Variants in DGKH observed in about 807,000 individuals in gnomAD.
DGKH encodes the protein DAG kinase eta.
In DGKH, 90 loss-of-function variants were observed where a neutral mutation model predicts 159.3. That is an observed-to-expected ratio of 0.57 (90% CI 0.48 to 0.67). DGKH has a LOEUF of 0.67. Among genes scored for constraint, DGKH ranks in the 30% least tolerant of loss-of-function variants. DGKH has a pLI of 0.00. For synonymous variants in DGKH, 536 were observed against 553.8 expected (o/e 0.97, Z 0.45); for missense variants, 1,181 against 1,506.1 (o/e 0.78, Z 3.57).
At chr13:42,174,468 C>T (rs1461693992) in intron 12 of DGKH, among the ~76,000 whole-genome samples, 1 of 152,158 alleles carries the variant, frequency 6.6e-6, no homozygotes, top group African/African-American at 2.4e-5. Context: ...ACTATCTCTT[C>T]TCCTGCCCAG....
chr13:42,165,941 C>A (rs560390281), intron 8 of DGKH, among the ~76,000 whole-genome samples: 23 of 152,134 alleles, frequency 1.5e-4, no homozygotes, highest in Non-Finnish European at 2.5e-4. Context: ...CTAAGCAAAC[C>A]GTATTGCAAA....
At chr13:42,255,511 T>A (rs1410056691) in intron 30 of DGKH, among the ~76,000 whole-genome samples, 2 of 152,142 alleles carry the variant, frequency 1.3e-5, no homozygotes, top group African/African-American at 4.8e-5. Flanking sequence ...GCTTGTAAAA[T>A]GTCATTACAT....
At chr13:42,043,922 CCTCCTGGGCTCAAGCAATT>C (rs1880656581), upstream of DGKH, 1 of 152,186 alleles carries the variant, frequency 6.6e-6, no homozygotes, top group African/African-American at 2.4e-5. Context: ...GCAACCTTTG[CCTCCTGGGCTCAAGCAATT>C]CTCCTACCTC....
At chr13:42,065,788 T>C (rs748266543) in intron 1 of DGKH, among the ~76,000 whole-genome samples, 2 of 152,204 alleles carry the variant, frequency 1.3e-5, no homozygotes, top group Non-Finnish European at 2.9e-5. Flanking sequence ...ATGTGGATTA[T>C]TGTCATCATT....
chr13:42,179,835 T>G (rs547037413), intron 13 of DGKH, among the ~76,000 whole-genome samples: 66 of 151,978 alleles, frequency 4.3e-4, no homozygotes, highest in African/African-American at 1.4e-3. Context: ...CCAAAAATGT[T>G]GTACTACAAA....
intron 13 of DGKH, among the ~76,000 whole-genome samples, chr13:42,185,667 ACTTTCAGTAAAATGC>A (rs1956900818): frequency 6.6e-6 from 1 of 152,142 alleles, no homozygotes; most frequent in Non-Finnish European, 1.5e-5. Flanking sequence ...TTTTACAGAA[ACTTTCAGTAAAATGC>A]CTAGAAGAGA....
At chr13:42,210,227 G>C (rs1251594778) in intron 23 of DGKH, among the ~76,000 whole-genome samples, 1 of 151,798 alleles carries the variant, frequency 6.6e-6, no homozygotes, top group Non-Finnish European at 1.5e-5. Flanking sequence ...CTGGAGTACA[G>C]TGGTGTGATC....
chr13:42,229,279 A>AGATAAGTAAGCACCACT lies in DGKH; in HGVS notation c.*94_*110dup. 1 of 1,148,602 alleles carries AGATAAGTAAGCACCACT rather than the reference A, an allele frequency of 8.7e-7. No individual in the cohort carries two copies. The highest frequency in any genetic ancestry group is 1.2e-6 in the Non-Finnish European group (1 of 801,022). 71.2% of individuals were successfully genotyped at this position (1,148,602 alleles called of 1,614,324 possible). ...TGGCTGTTCTTGTAGTTTTCTGCAT[A>AGATAAGTAAGCACCACT]GATAAGTAAGCACCACTGAAGCACC... On this transcript the variant is annotated 3_prime_UTR_variant, in exon 30 of 30. Transcript: ENST00000337343.
At chr13:42,189,947 C>A (rs1287933918) in intron 15 of DGKH, among the ~76,000 whole-genome samples, 1 of 152,064 alleles carries the variant, frequency 6.6e-6, no homozygotes, top group African/African-American at 2.4e-5. Context: ...GGATTACAGG[C>A]GTGAACCACT....
chr13:42,061,490 A>G (rs1487100854), intron 1 of DGKH, among the ~76,000 whole-genome samples: 1 of 152,132 alleles, frequency 6.6e-6, no homozygotes, highest in Non-Finnish European at 1.5e-5. Context: ...CTTAACTCCT[A>G]TATCATTATG....
Position 42,233,831 on chromosome 13 carries a change from T to C in DGKH, c.*4643T>C, listed in dbSNP as rs1203311070. 6.6e-6 allele frequency: 1 copy of C among 152,216 alleles called. No individual in the cohort carries two copies. The highest frequency in any genetic ancestry group is 1.9e-4 in the East Asian group (1 of 5,206). The allele number at this position is 152,216 out of a possible 1,614,324, so 9.4% of individuals were successfully genotyped here. On this transcript the variant is annotated 3_prime_UTR_variant, in exon 30 of 30. Transcript: ENST00000337343. ...TACTAAGTTAAAACCATGTTTAGTC[T>C]CCTACAACTTGTACATTTTCATTTT...
At chr13:42,042,456 C>A (rs907913182) in intron 1 of DGKH, among the ~76,000 whole-genome samples, 5 of 152,284 alleles carry the variant, frequency 3.3e-5, no homozygotes, top group African/African-American at 9.6e-5. Flanking sequence ...AGTTTCCAGT[C>A]TTAGCACTGG....
intron 3 of DGKH, among the ~76,000 whole-genome samples, chr13:42,134,769 C>T (rs1442523782): frequency 6.6e-6 from 1 of 151,660 alleles, no homozygotes; most frequent in Non-Finnish European, 1.5e-5. Context: ...TTGGGAGGCC[C>T]AGGCAGGTGG....
rs73475051 is a variant in DGKH at position 42,166,023 on chromosome 13, T to C, written c.959-492T>C. ...GAGCAACTGTGGATTTTGATATTCA[T>C]AGGGTTCCTGCAGCCAATTCCCCCA... On this transcript the variant is annotated intron_variant, in intron 8 of 29. Transcript: ENST00000337343. 5.4e-3 allele frequency among the ~76,000 whole-genome samples: 826 copies of C among 152,238 alleles called. 10 individuals are homozygous for C. Among genetic ancestry groups the C allele is most frequent in the African/African-American group, 0.019 (790 of 41,556 alleles).
chr13:42,044,292 T>A (rs911646591), upstream of DGKH: 11 of 147,328 alleles, frequency 7.5e-5, no homozygotes, highest in African/African-American at 2.3e-4. Flanking sequence ...TCTTTCTTTT[T>A]TTTCTTTTTC....
At chr13:42,215,160 T>A (rs1957757505) in intron 25 of DGKH, among the ~76,000 whole-genome samples, 1 of 151,130 alleles carries the variant, frequency 6.6e-6, no homozygotes, top group African/African-American at 2.4e-5. Context: ...CTGATAGCGT[T>A]TTTTTTTTTA....
At chr13:42,071,061 A>G in intron 1 of DGKH, 1 of 1,189,240 alleles carries the variant, frequency 8.4e-7, no homozygotes, top group Non-Finnish European at 1.2e-6. Flanking sequence ...CAAAACCATG[A>G]ATGTTCATGA....
Position 42,221,290 on chromosome 13 carries a change from G to C in DGKH, c.3469G>C (p.Ala1157Pro). ...PVQKWGTEEV[A>P]AWLDLLNLGE... is the part of the protein sequence containing the mutation. Reference sequence around the variant, plus strand: ...TCAGAAATGGGGCACAGAGGAAGTTGCTGCTTGGCTGGATCTGCTCAATTT... The same window carrying C: ...TCAGAAATGGGGCACAGAGGAAGTTCCTGCTTGGCTGGATCTGCTCAATTT... The change falls in exon 29 of 30, where the codon GCT (alanine) becomes CCT (proline). Residue 1157 changes from alanine (A) to proline (P), a missense_variant. Transcript: ENST00000337343. 6.2e-7 allele frequency: 1 copy of C among 1,613,676 alleles called. No individual in the cohort carries two copies. Among genetic ancestry groups the C allele is most frequent in the East Asian group, 2.2e-5 (1 of 44,880 alleles).
rs772989739 is a variant in DGKH, at chr13:42,209,479, A to C, written c.2850+14A>C. On this transcript the variant is annotated intron_variant, in intron 23 of 29. Coordinates refer to ENST00000337343, the MANE Select transcript of DGKH (RefSeq NM_178009.5). ...ACAAGGGACAGAGTATGTAACAAAAACATTCTTCTAGAATATTGTCAGGTT... is the reference window on the plus strand; with the variant it reads ...ACAAGGGACAGAGTATGTAACAAAACCATTCTTCTAGAATATTGTCAGGTT... 1 of 1,572,264 alleles carries C rather than the reference A, an allele frequency of 6.4e-7. No individual in the cohort carries two copies. Among genetic ancestry groups the C allele is most frequent in the Non-Finnish European group, 8.6e-7 (1 of 1,163,486 alleles).
Sources: gnomAD v4.1 joint callset for allele counts (sites outside exome capture counted in the v4.1 genomes callset) on GRCh38, gnomAD v4.1.1 for gene constraint, MANE v1.5 for transcripts, NCBI Gene and HGNC (gene_info 2026-07-23, HGNC 2026-07-21) for gene names.